USO1: variants seen among roughly 807,000 people sequenced by gnomAD.
USO1 encodes the protein USO1 vesicle transport factor, also known as general vesicular transport factor p115.
In USO1, 57 loss-of-function variants were observed where a neutral mutation model predicts 124.5. The ratio of observed to expected loss-of-function variants is 0.46; its 90% CI spans 0.37 to 0.57. The LOEUF (loss-of-function observed/expected upper bound fraction) is 0.57, where lower values mean the gene tolerates loss of function less well. USO1 is among the 20% of genes least tolerant of loss of function. The pLI, the probability that USO1 is intolerant of heterozygous loss-of-function variation, is 0.00. For missense variants in USO1, 900 were observed against 1,040.6 expected (o/e 0.86, Z 1.86); for synonymous variants, 369 against 362.8 (o/e 1.02, Z -0.19).
chr4:75,788,914 C>A lies in USO1; in HGVS notation c.997-1236C>A, dbSNP rs577445101. On this transcript the variant is annotated intron_variant, in intron 10 of 23. Coordinates refer to ENST00000514213, the MANE Select transcript of USO1 (RefSeq NM_003715.4). ...TTTGCTCTTTCATGTCTGAAAATGT[C>A]ATTTCTCTACTTTCAGAATTAATTT... Among the ~76,000 whole-genome samples, 9 of 152,090 alleles carry A rather than the reference C, an allele frequency of 5.9e-5. 1 individual carries two copies. The highest frequency in any genetic ancestry group is 1.3e-4 in the Admixed American group (2 of 15,270).
chr4:75,751,247 T>C (rs975185305), intron 1 of USO1, among the ~76,000 whole-genome samples: 1 of 150,834 alleles, frequency 6.6e-6, no homozygotes, highest in South Asian at 2.1e-4. Context: ...AACCTCACTC[T>C]GTCACTCAGG....
At chr4:75,739,805 AGT>A in intron 1 of USO1, among the ~76,000 whole-genome samples, 1 of 151,870 alleles carries the variant, frequency 6.6e-6, no homozygotes, top group African/African-American at 2.4e-5. Context: ...AGCTTCCCAA[AGT>A]GCTGGGATTA....
intron 1 of USO1, among the ~76,000 whole-genome samples, chr4:75,731,947 G>A (rs1313693705): frequency 1.3e-5 from 2 of 152,030 alleles, no homozygotes; most frequent in East Asian, 1.9e-4. Context: ...ACGATTAAAC[G>A]TAAATTAGTA....
At chr4:75,805,996 T>A (rs1344995141) in intron 19 of USO1, among the ~76,000 whole-genome samples, 3 of 152,012 alleles carry the variant, frequency 2.0e-5, no homozygotes, top group East Asian at 3.9e-4. Flanking sequence ...AAAATTTTAT[T>A]TTTTTTTCTT....
chr4:75,741,507 G>C (rs1720958120), intron 1 of USO1, among the ~76,000 whole-genome samples: 1 of 149,822 alleles, frequency 6.7e-6, no homozygotes, highest in Non-Finnish European at 1.5e-5. Context: ...CTGTAATAAT[G>C]CTTAGTTTAA....
At chr4:75,769,942 A>T (rs1220650159) in intron 4 of USO1, among the ~76,000 whole-genome samples, 1 of 152,114 alleles carries the variant, frequency 6.6e-6, no homozygotes, top group Admixed American at 6.5e-5. Context: ...GTTTAATTTC[A>T]TAATTAAATT....
At chr4:75,812,908 C>T (rs1393803349) in intron 23 of USO1, among the ~76,000 whole-genome samples, 1 of 151,900 alleles carries the variant, frequency 6.6e-6, no homozygotes, top group Non-Finnish European at 1.5e-5. Flanking sequence ...GTCAGGGGTT[C>T]GAGACCAGCC....
intron 3 of USO1, 136 bp downstream of exon 3, chr4:75,752,740 G>A (rs918070098): frequency 1.1e-4 from 43 of 384,308 alleles, no homozygotes; most frequent in Non-Finnish European, 1.7e-4. Flanking sequence ...TGCCCACGCT[G>A]GTCTCGAACT....
At chr4:75,805,558 T>C (rs548998342) in intron 19 of USO1, among the ~76,000 whole-genome samples, 1 of 152,142 alleles carries the variant, frequency 6.6e-6, no homozygotes, top group South Asian at 2.1e-4. Flanking sequence ...AATACAAAAA[T>C]TAGCCGGGCA....
chr4:75,739,935 G>A (rs544286865), intron 1 of USO1, among the ~76,000 whole-genome samples: 1 of 152,292 alleles, frequency 6.6e-6, no homozygotes, highest in African/African-American at 2.4e-5. Context: ...AGGCTGTGAT[G>A]TTCCTTACAG....
intron 7 of USO1, among the ~76,000 whole-genome samples, chr4:75,772,141 G>C (rs1200135459): frequency 2.0e-5 from 3 of 152,134 alleles, no homozygotes; most frequent in African/African-American, 7.2e-5. Context: ...CTAGTCTATG[G>C]ATACAGTTTT....
At chr4:75,745,118 T>C (rs1369945350) in intron 1 of USO1, among the ~76,000 whole-genome samples, 1 of 152,224 alleles carries the variant, frequency 6.6e-6, no homozygotes, top group African/African-American at 2.4e-5. Flanking sequence ...CCCTGTTCTT[T>C]CTATCTTTAA....
At chr4:75,790,326 AAAG>A in intron 11 of USO1, 88 bp downstream of exon 11, 1 of 1,458,186 alleles carries the variant, frequency 6.9e-7, no homozygotes, top group Non-Finnish European at 9.1e-7. Context: ...TACTCTTTTT[AAAG>A]AAGTTTAGTT....
chr4:75,812,167 T>C lies in USO1; in HGVS notation c.2591T>C (p.Ile864Thr). ...TCACCTTTCTTTTCCTAGAATGAAA[T>C]TAAAGCTCTGTCTGAGGAAAGAACT... ...LQETKELKNE[I>T]KALSEERTAI... Residue 864 changes from isoleucine to threonine, a missense_variant, in exon 23 of 24, where the codon ATT becomes ACT. This residue lies in a region of USO1 where 362 missense variants were observed against 359.0 expected (regional missense o/e 1.01). Coordinates refer to ENST00000514213, the MANE Select transcript of USO1 (RefSeq NM_003715.4). 6.2e-7 allele frequency: 1 copy of C among 1,601,186 alleles called. No homozygotes were observed. Among genetic ancestry groups the C allele is most frequent in the Non-Finnish European group, 8.5e-7 (1 of 1,173,528 alleles).
chr4:75,768,021 T>C (rs1017067525), intron 4 of USO1, among the ~76,000 whole-genome samples: 2 of 152,134 alleles, frequency 1.3e-5, no homozygotes, highest in South Asian at 2.1e-4. Flanking sequence ...TCTTTTTTTT[T>C]CTTCTCCTTT....
At chr4:75,794,779 A>G (rs1722633050) in intron 13 of USO1, among the ~76,000 whole-genome samples, 1 of 152,208 alleles carries the variant, frequency 6.6e-6, no homozygotes, top group African/African-American at 2.4e-5. Context: ...AAGAAACATT[A>G]GCTCCATCCA....
Position 75,805,209 on chromosome 4 carries a change from T to C in USO1, c.2195T>C (p.Ile732Thr). The change falls in exon 19 of 24, where the codon ATT becomes ACT. Residue 732 changes from isoleucine to threonine, a missense_variant. This residue lies in a region of USO1 where 362 missense variants were observed against 359.0 expected (regional missense o/e 1.01). Coordinates refer to ENST00000514213, the MANE Select transcript of USO1 (RefSeq NM_003715.4). Reference sequence around the variant, plus strand: ...ATGAATGGCATTCAGCCAGAAGAAATTGGTAGATTGCGAGAAGAGATAGAA... The same window carrying C: ...ATGAATGGCATTCAGCCAGAAGAAACTGGTAGATTGCGAGAAGAGATAGAA... ...AQMNGIQPEEIGRLREEIEEL... is the reference protein window; with the variant it reads ...AQMNGIQPEETGRLREEIEEL... The C allele has an allele frequency of 2.5e-6, 4 of 1,613,186 alleles. No individual in the cohort carries two copies. The highest frequency in any genetic ancestry group is 1.1e-5 in the South Asian group (1 of 90,922).
At chr4:75,734,013 T>C (rs1235115406) in intron 1 of USO1, among the ~76,000 whole-genome samples, 4 of 147,792 alleles carry the variant, frequency 2.7e-5, no homozygotes, top group Admixed American at 7.1e-5. Context: ...AATGGTGCGA[T>C]TGGCTCACTG....
chr4:75,813,639 A>G lies in USO1; in HGVS notation c.*344A>G, dbSNP rs1723212827. The G allele has an allele frequency of 1.2e-5, 2 of 164,552 alleles. No homozygotes were observed. The highest frequency in any genetic ancestry group is 4.0e-4 in the South Asian group (2 of 4,978). The allele number at this position is 164,552 out of a possible 1,614,324, so 10.2% of individuals were successfully genotyped here. A position where few individuals can be genotyped will look rare whatever the true frequency, so the allele number is the denominator to read the frequency against. Reference sequence around the variant, plus strand: ...TTTGCAAAATTTGTGACTTTTAAGTACTAACACATTTGATTGAATGTGTAT... The same window carrying G: ...TTTGCAAAATTTGTGACTTTTAAGTGCTAACACATTTGATTGAATGTGTAT... On this transcript the variant is annotated 3_prime_UTR_variant, in exon 24 of 24. Transcript: ENST00000514213.
Sources: allele counts gnomAD v4.1 joint callset (sites outside exome capture counted in the v4.1 genomes callset), GRCh38; gene constraint gnomAD v4.1.1; regional missense constraint gnomAD v4.1.1; transcripts MANE v1.5; gene names NCBI Gene and HGNC (gene_info 2026-07-23, HGNC 2026-07-21).